ZBBX: variants seen among roughly 807,000 people sequenced by gnomAD.
ZBBX encodes zinc finger B-box domain-containing protein 1.
In ZBBX, 101 loss-of-function variants were observed where a neutral mutation model predicts 108.5. The observed-to-expected ratio is 0.93, with a 90% CI of 0.79 to 1.10. The LOEUF is 1.10. Ranked by LOEUF, ZBBX falls within the 50% of genes least tolerant of loss-of-function variation. The probability of loss-of-function intolerance (pLI) is 0.00; values close to 1 mark genes in which losing one functional copy is unlikely to be tolerated. For synonymous variants in ZBBX, 356 were observed against 323.4 expected, an observed-to-expected ratio of 1.10 and a Z score of -1.08; for missense variants, 1,009 against 941.4, an observed-to-expected ratio of 1.07 and a Z score of -0.94.
intron 20 of ZBBX, among the ~76,000 whole-genome samples, chr3:167,253,802 CT>C (rs1171658308): frequency 6.6e-6 from 1 of 152,044 alleles, no homozygotes; most frequent in Middle Eastern, 3.2e-3. Flanking sequence ...AAACTAGTAT[CT>C]TTAGCATGTA....
chr3:167,318,872 C>T (rs1468696421), intron 12 of ZBBX, among the ~76,000 whole-genome samples: 1 of 151,718 alleles, frequency 6.6e-6, no homozygotes, highest in African/African-American at 2.4e-5. Flanking sequence ...TACCTTAAAC[C>T]TCTGCCATAT....
chr3:167,398,486 A>G (rs537791823), intron 1 of ZBBX, among the ~76,000 whole-genome samples: 1 of 152,208 alleles, frequency 6.6e-6, no homozygotes, highest in East Asian at 1.9e-4. Context: ...TTAGAATTAT[A>G]GGCCTTAAAT....
At chr3:167,318,199 T>C (rs1270715519) in intron 12 of ZBBX, among the ~76,000 whole-genome samples, 3 of 151,962 alleles carry the variant, frequency 2.0e-5, no homozygotes, top group African/African-American at 7.2e-5. Flanking sequence ...ATAACCAAAT[T>C]ATTGGAGAGA....
At chr3:167,327,130 C>T (rs534395106) in intron 11 of ZBBX, among the ~76,000 whole-genome samples, 2 of 142,884 alleles carry the variant, frequency 1.4e-5, no homozygotes. Context: ...AATGTAGGAG[C>T]GAAATTATAA....
intron 1 of ZBBX, among the ~76,000 whole-genome samples, chr3:167,403,135 C>T (rs1307772244): frequency 6.6e-6 from 1 of 152,024 alleles, no homozygotes; most frequent in Admixed American, 6.6e-5. Flanking sequence ...GCAAAATGCA[C>T]ATAAGCATAT....
chr3:167,356,030 T>C (rs1743515979), intron 8 of ZBBX, among the ~76,000 whole-genome samples: 1 of 152,068 alleles, frequency 6.6e-6, no homozygotes, highest in African/African-American at 2.4e-5. Flanking sequence ...TCAAGCCCTA[T>C]CTACTTGTGT....
intron 17 of ZBBX, among the ~76,000 whole-genome samples, chr3:167,300,491 T>A (rs991035329): frequency 6.6e-6 from 1 of 152,150 alleles, no homozygotes; most frequent in Non-Finnish European, 1.5e-5. Context: ...CTGAACTAGC[T>A]CTGTCAGAAC....
chr3:167,313,353 G>A lies in ZBBX; in HGVS notation c.1417+621C>T, dbSNP rs928273658. ...TGCAACGGTGTGATCTCGGCTTACC[G>A]CAACCTCTGCCTCCTGGGCTCAAGC... is the stretch of plus-strand genomic sequence containing the variant. On this transcript the variant is annotated intron_variant, in intron 16 of 21. Coordinates refer to ENST00000675490, the MANE Select transcript of ZBBX (RefSeq NM_001199201.2). Among the ~76,000 whole-genome samples, 8 of 151,876 alleles carry A rather than the reference G, an allele frequency of 5.3e-5. No individual in the cohort carries two copies. The South Asian group carries it at 1.3e-3, about 24-fold the overall frequency.
At chr3:167,202,892 G>C in the ZBBX span, among the ~76,000 whole-genome samples, 1 of 152,000 alleles carries the variant, frequency 6.6e-6, no homozygotes, top group Non-Finnish European at 1.5e-5. Context: ...AACTTCGAAG[G>C]TTCTTCTAGC....
the ZBBX span, among the ~76,000 whole-genome samples, chr3:167,190,082 T>C: frequency 6.6e-6 from 1 of 152,168 alleles, no homozygotes; most frequent in Non-Finnish European, 1.5e-5. Context: ...CTATTTTCCT[T>C]TTTATCACAA....
chr3:167,318,124 A>G (rs1180670922), intron 12 of ZBBX, among the ~76,000 whole-genome samples: 1 of 151,978 alleles, frequency 6.6e-6, no homozygotes, highest in Non-Finnish European at 1.5e-5. Flanking sequence ...AGCCCATTTC[A>G]TATGGAAGGC....
chr3:167,305,523 T>C, intron 17 of ZBBX, 120 bp downstream of exon 17: 2 of 768,272 alleles, frequency 2.6e-6, no homozygotes, highest in Non-Finnish European at 3.8e-6. Flanking sequence ...CTCATAATAA[T>C]ATAAGGCAGC....
At chr3:167,201,455 G>GA in the ZBBX span, among the ~76,000 whole-genome samples, 1 of 152,016 alleles carries the variant, frequency 6.6e-6, no homozygotes, top group Non-Finnish European at 1.5e-5. Flanking sequence ...AAAAGTCAAA[G>GA]ACTAATTCCC....
At chr3:167,208,471 G>C in the ZBBX span, among the ~76,000 whole-genome samples, 1 of 152,200 alleles carries the variant, frequency 6.6e-6, no homozygotes, top group African/African-American at 2.4e-5. Flanking sequence ...TAGGATACCA[G>C]CACAGCTACT....
chr3:167,357,724 C>T (rs886119592), intron 8 of ZBBX, among the ~76,000 whole-genome samples: 9 of 152,052 alleles, frequency 5.9e-5, no homozygotes, highest in Non-Finnish European at 1.2e-4. Context: ...GACACATGCA[C>T]ACGTATGTTT....
intron 20 of ZBBX, among the ~76,000 whole-genome samples, chr3:167,275,271 A>G (rs1727314626): frequency 6.6e-6 from 1 of 152,162 alleles, no homozygotes; most frequent in Non-Finnish European, 1.5e-5. Flanking sequence ...CTCACTTGGG[A>G]GGAGCCAAGA....
chr3:167,216,661 G>T, the ZBBX span, among the ~76,000 whole-genome samples: 1 of 152,034 alleles, frequency 6.6e-6, no homozygotes, highest in African/African-American at 2.4e-5. Context: ...AGCCTGAATA[G>T]CCAGGGCAAT....
chr3:167,373,845 G>A (rs1746538174), intron 2 of ZBBX, 58 bp from the exon 3 acceptor site: 1 of 151,996 alleles, frequency 6.6e-6, no homozygotes. Context: ...AAAGCAAGAG[G>A]GACAGGCACA....
the ZBBX span, among the ~76,000 whole-genome samples, chr3:167,223,128 C>T: frequency 6.6e-6 from 1 of 151,844 alleles, no homozygotes; most frequent in Non-Finnish European, 1.5e-5. Context: ...ATCTTCCTGA[C>T]CTGTCAGTCA....
Sources: allele counts gnomAD v4.1 joint callset (sites outside exome capture counted in the v4.1 genomes callset), GRCh38; gene constraint gnomAD v4.1.1; transcripts MANE v1.5; gene names NCBI Gene and HGNC (gene_info 2026-07-23, HGNC 2026-07-21).